NFAT5: variants seen among roughly 807,000 people sequenced by gnomAD.
NFAT5 encodes the protein nuclear factor of activated T cells 5.
In NFAT5, 31 loss-of-function variants were observed where a neutral mutation model predicts 166.5. The ratio of observed to expected loss-of-function variants is 0.19; its 90% CI spans 0.14 to 0.25. NFAT5 has a LOEUF of 0.25. Among genes scored for constraint, NFAT5 ranks in the 10% least tolerant of loss-of-function variants. The pLI, the probability that NFAT5 is intolerant of heterozygous loss-of-function variation, is 1.00. For synonymous variants in NFAT5, 612 were observed against 639.7 expected (o/e 0.96, Z 0.65); for missense variants, 1,449 against 1,821.8 (o/e 0.80, Z 3.72).
rs2037868891 is a variant in NFAT5 at position 69,699,891 on chromosome 16, C to G, written c.*3540C>G. On this transcript the variant is annotated 3_prime_UTR_variant, in exon 15 of 15. Transcript: ENST00000349945. ...GTGTGTGTGTTTCCTTATTGTCATTCCATTATATATCCACACCAACATGGG... is the reference window on the plus strand; with the variant it reads ...GTGTGTGTGTTTCCTTATTGTCATTGCATTATATATCCACACCAACATGGG... 6.6e-6 allele frequency: 1 copy of G among 150,582 alleles called. No individual in the cohort carries two copies. Among genetic ancestry groups the G allele is most frequent in the Non-Finnish European group, 1.5e-5 (1 of 67,674 alleles). 9.3% of individuals were successfully genotyped at this position (150,582 alleles called of 1,614,324 possible). A position where few individuals can be genotyped will look rare whatever the true frequency, so the allele number is the denominator to read the frequency against.
At chr16:69,632,957 C>G (rs567921513) in intron 3 of NFAT5, among the ~76,000 whole-genome samples, 1 of 152,236 alleles carries the variant, frequency 6.6e-6, no homozygotes, top group South Asian at 2.1e-4. Context: ...TCTTATTATA[C>G]TGAAATTACA....
At chr16:69,628,931 G>A (rs571891809) in intron 3 of NFAT5, among the ~76,000 whole-genome samples, 2 of 152,210 alleles carry the variant, frequency 1.3e-5, no homozygotes, top group East Asian at 1.9e-4. Context: ...AAAATCAGCC[G>A]GGCGTGGTGG....
At chr16:69,663,015 G>A (rs2151653939) in intron 7 of NFAT5, among the ~76,000 whole-genome samples, 1 of 152,284 alleles carries the variant, frequency 6.6e-6, no homozygotes, top group Admixed American at 6.5e-5. Context: ...CTTTTTGGCA[G>A]CTTTAAGCAG....
chr16:69,648,256 T>C lies in NFAT5; in HGVS notation c.812+670T>C, dbSNP rs1003174859. 4 of 985,016 alleles carry C rather than the reference T, an allele frequency of 4.1e-6. No individual in the cohort carries two copies. In the African/African-American group the frequency reaches 7.0e-5, roughly 17 times the overall value. The allele number at this position is 985,016 out of a possible 1,614,324, so 61.0% of individuals were successfully genotyped here. A position where few individuals can be genotyped will look rare whatever the true frequency, so the allele number is the denominator to read the frequency against. The stretch of plus-strand genomic sequence containing the variant: ...CATCCAAAACAACTCAAACAGTCAC[T>C]AAGAGCTATGTTCTCTTTCCAATTG... On this transcript the variant is annotated intron_variant, in intron 4 of 14. Coordinates refer to ENST00000349945, the MANE Select transcript of NFAT5 (RefSeq NM_138713.4).
At chr16:69,667,166 C>T (rs562116213) in intron 7 of NFAT5, among the ~76,000 whole-genome samples, 60 of 97,990 alleles carry the variant, frequency 6.1e-4, no homozygotes, top group African/African-American at 2.2e-3. Context: ...ACTCTGGGGA[C>T]GGTTGTGGGG....
At chr16:69,607,513 C>A (rs1260309688) in intron 2 of NFAT5, among the ~76,000 whole-genome samples, 1 of 152,202 alleles carries the variant, frequency 6.6e-6, no homozygotes, top group Non-Finnish European at 1.5e-5. Context: ...ATGATATTGA[C>A]AACCTCTAAT....
chr16:69,579,004 A>G (rs1401684437), intron 2 of NFAT5, among the ~76,000 whole-genome samples: 1 of 151,678 alleles, frequency 6.6e-6, no homozygotes, highest in Non-Finnish European at 1.5e-5. Context: ...CCTCCCAAGT[A>G]GCTGGGACTA....
chr16:69,661,401 G>A (rs1161970190), intron 7 of NFAT5, among the ~76,000 whole-genome samples: 1 of 148,110 alleles, frequency 6.8e-6, no homozygotes, highest in African/African-American at 2.5e-5. Context: ...AAAAAAGCCA[G>A]GCATGGTGGC....
intron 2 of NFAT5, among the ~76,000 whole-genome samples, chr16:69,584,543 T>A (rs2031914498): frequency 6.6e-6 from 1 of 152,148 alleles, no homozygotes; most frequent in Admixed American, 6.5e-5. Context: ...TTGGCCAGGC[T>A]GGTCTCGAAT....
chr16:69,579,557 C>A (rs1420828167), intron 2 of NFAT5, among the ~76,000 whole-genome samples: 2 of 151,954 alleles, frequency 1.3e-5, no homozygotes, highest in Non-Finnish European at 2.9e-5. Flanking sequence ...AACATACTTA[C>A]AGTGTAAACT....
At chr16:69,649,329 G>C in intron 4 of NFAT5, 1 of 970,174 alleles carries the variant, frequency 1.0e-6, no homozygotes, top group East Asian at 1.1e-4. Flanking sequence ...AATGTTGAAG[G>C]TTCAAATTTA....
intron 9 of NFAT5, among the ~76,000 whole-genome samples, chr16:69,673,020 TTCTC>T (rs10563794): frequency 7.9e-5 from 12 of 151,608 alleles, no homozygotes; most frequent in Non-Finnish European, 5.9e-5. Context: ...CCATTTTTCT[TTCTC>T]TCTCTCTCTC....
At chr16:69,592,198 A>G (rs546148970) in intron 2 of NFAT5, among the ~76,000 whole-genome samples, 10 of 149,048 alleles carry the variant, frequency 6.7e-5, no homozygotes, top group East Asian at 3.9e-4. Context: ...TCCTGCCTCA[A>G]CCTCCCAAGT....
chr16:69,569,397 C>T (rs940335703), intron 2 of NFAT5, among the ~76,000 whole-genome samples: 5 of 150,918 alleles, frequency 3.3e-5, no homozygotes, highest in Admixed American at 6.6e-5. Context: ...TTATGCAAAG[C>T]GGCCACCGTG....
rs950542679 is a variant in NFAT5, at chr16:69,698,855, C to T, written c.*2504C>T. ...GTTTGTAATTTTAATAACATTTTTC[C>T]CATCTTGTAATATCCAGAGCTACTT... On this transcript the variant is annotated 3_prime_UTR_variant, in exon 15 of 15. Transcript: ENST00000349945. The T allele has an allele frequency of 2.0e-5, 3 of 152,384 alleles. No individual in the cohort carries two copies. Among genetic ancestry groups the T allele is most frequent in the Admixed American group, 6.6e-5 (1 of 15,256 alleles). 9.4% of individuals were successfully genotyped at this position (152,384 alleles called of 1,614,324 possible). A position where few individuals can be genotyped will look rare whatever the true frequency, so the allele number is the denominator to read the frequency against.
At chr16:69,643,590 A>C (rs2035310257) in intron 3 of NFAT5, among the ~76,000 whole-genome samples, 1 of 152,256 alleles carries the variant, frequency 6.6e-6, no homozygotes, top group East Asian at 1.9e-4. Context: ...TGTATCAAAT[A>C]ATGCTATCGT....
intron 10 of NFAT5, among the ~76,000 whole-genome samples, chr16:69,679,975 G>A (rs751207913): frequency 1.1e-4 from 17 of 151,460 alleles, no homozygotes; most frequent in East Asian, 4.0e-4. Flanking sequence ...AAAATTAGCC[G>A]GGCGCGGTGG....
intron 2 of NFAT5, among the ~76,000 whole-genome samples, chr16:69,578,998 C>T (rs2031488605): frequency 6.6e-6 from 1 of 151,984 alleles, no homozygotes; most frequent in Non-Finnish European, 1.5e-5. Flanking sequence ...CTTCAGCCTC[C>T]CAAGTAGCTG....
Position 69,695,194 on chromosome 16 carries a change from A to G in NFAT5, c.4473A>G (p.Ile1491Met), listed in dbSNP as rs2037719209. ...PATLPDQLMA[I>M]SQPGQPQNEG... is the part of the protein sequence containing the mutation. ...CATTGCCTGATCAGTTGATGGCCAT[A>G]AGTCAGCCAGGCCAACCACAAAACG... Residue 1491 changes from isoleucine (I) to methionine (M), a missense_variant, in exon 14 of 15, where the codon ATA becomes ATG. By Grantham distance (10) the Ile-to-Met change is conservative. Coordinates refer to ENST00000349945, the MANE Select transcript of NFAT5 (RefSeq NM_138713.4). The G allele has an allele frequency of 6.2e-7, 1 of 1,614,080 alleles. No individual in the cohort carries two copies.
Sources: gnomAD v4.1 joint callset for allele counts (sites outside exome capture counted in the v4.1 genomes callset) on GRCh38, gnomAD v4.1.1 for gene constraint, MANE v1.5 for transcripts, NCBI Gene and HGNC (gene_info 2026-07-23, HGNC 2026-07-21) for gene names.